Variants in RNGTT observed in about 807,000 individuals in gnomAD.
RNGTT encodes the protein RNA guanylyltransferase and 5'-phosphatase.
RNGTT carries 33 observed loss-of-function variants against 79.3 expected under a neutral mutation model. The observed-to-expected ratio is 0.42, with a 90% CI of 0.32 to 0.56. The LOEUF is 0.56. Among genes scored for constraint, RNGTT ranks in the 20% least tolerant of loss-of-function variants. The pLI, the probability that RNGTT is intolerant of heterozygous loss-of-function variation, is 0.17. For missense variants in RNGTT, 497 were observed against 739.1 expected (o/e 0.67, Z 3.80); for synonymous variants, 222 against 235.9 (o/e 0.94, Z 0.54).
chr6:88,674,779 C>T (rs1370262234), intron 14 of RNGTT, among the ~76,000 whole-genome samples: 4 of 151,552 alleles, frequency 2.6e-5, no homozygotes, highest in East Asian at 1.9e-4. Context: ...TATGTAACAA[C>T]AACAAAAAAA....
chr6:88,939,302 AT>A (rs1784772381), intron 2 of RNGTT, among the ~76,000 whole-genome samples: 1 of 151,938 alleles, frequency 6.6e-6, no homozygotes, highest in Non-Finnish European at 1.5e-5. Flanking sequence ...CTTTTTTAGC[AT>A]TTTATCTTTA....
At chr6:88,788,146 A>G (rs1779291702) in intron 12 of RNGTT, among the ~76,000 whole-genome samples, 1 of 152,188 alleles carries the variant, frequency 6.6e-6, no homozygotes, top group African/African-American at 2.4e-5. Flanking sequence ...AGTGGGCAAA[A>G]AGATAACCAA....
chr6:88,664,055 G>C (rs771548892), intron 14 of RNGTT, among the ~76,000 whole-genome samples: 6 of 152,168 alleles, frequency 3.9e-5, no homozygotes, highest in Non-Finnish European at 7.3e-5. Context: ...GTGGCTGGAA[G>C]AGCATGTTCC....
rs1772048354 is a variant in RNGTT at position 88,612,122 on chromosome 6, T to C, written c.*597A>G. 6.6e-6 allele frequency: 1 copy of C among 152,660 alleles called. No individual in the cohort carries two copies. The highest frequency in any genetic ancestry group is 1.5e-5 in the Non-Finnish European group (1 of 68,052). 9.5% of individuals were successfully genotyped at this position (152,660 alleles called of 1,614,324 possible). A position where few individuals can be genotyped will look rare whatever the true frequency, so the allele number is the denominator to read the frequency against. On this transcript the variant is annotated 3_prime_UTR_variant, in exon 16 of 16. Transcript: ENST00000369485. ...ATTCACAAAAATGGAGCTTTACTTTTTTCTTTTACATTTCCAAAAAACTTG... is the reference window on the plus strand; with the variant it reads ...ATTCACAAAAATGGAGCTTTACTTTCTTCTTTTACATTTCCAAAAAACTTG...
rs138490752 is a variant in RNGTT at position 88,691,247 on chromosome 6, G to T, written c.1440-12828C>A. On this transcript the variant is annotated intron_variant, in intron 13 of 15. Coordinates refer to ENST00000369485, the MANE Select transcript of RNGTT (RefSeq NM_003800.5). ...TCCCCCTTTGCGCTCTCTTCCTCCTGCTCTGGCCATGTAAGATGTGCCTCC... is the reference window on the plus strand; with the variant it reads ...TCCCCCTTTGCGCTCTCTTCCTCCTTCTCTGGCCATGTAAGATGTGCCTCC... 2.0e-3 allele frequency among the ~76,000 whole-genome samples: 311 copies of T among 152,220 alleles called. 2 individuals are homozygous for T. Among genetic ancestry groups the T allele is most frequent in the African/African-American group, 7.3e-3 (304 of 41,548 alleles).
intron 1 of RNGTT, among the ~76,000 whole-genome samples, chr6:88,955,037 GA>G (rs1320005230): frequency 6.6e-6 from 1 of 151,928 alleles, no homozygotes; most frequent in Admixed American, 6.6e-5. Flanking sequence ...CAGCCTGGGT[GA>G]CAGAGCAAGA....
rs118175512 is a variant in RNGTT at position 88,945,467 on chromosome 6, G to A, written c.65-4287C>T. ...TGCCTTACATGACACCCAAACTCTT[G>A]TTAGTTTCAATCACCCACCTAACAC... On this transcript the variant is annotated intron_variant, in intron 1 of 15. Coordinates refer to ENST00000369485, the MANE Select transcript of RNGTT (RefSeq NM_003800.5). Among the ~76,000 whole-genome samples, 549 of 152,150 alleles carry A rather than the reference G, an allele frequency of 3.6e-3. 3 individuals carry two copies. Among genetic ancestry groups the A allele is most frequent in the Admixed American group, 7.0e-3 (107 of 15,290 alleles).
intron 1 of RNGTT, among the ~76,000 whole-genome samples, 177 bp downstream of exon 1, chr6:88,963,169 C>T (rs1397385101): frequency 6.6e-6 from 1 of 150,500 alleles, no homozygotes; most frequent in Non-Finnish European, 1.5e-5. Flanking sequence ...CCCCATCCGC[C>T]GACCATCCCC....
Position 88,614,283 on chromosome 6 carries a change from T to C in RNGTT, c.1619A>G (p.Asn540Ser). 6.2e-7 allele frequency: 1 copy of C among 1,613,908 alleles called. No homozygotes were observed. The highest frequency in any genetic ancestry group is 8.5e-7 in the Non-Finnish European group (1 of 1,179,798). The change falls in exon 15 of 16, where the codon AAC becomes AGC. Residue 540 changes from asparagine (N) to serine (S), a missense_variant. Transcript: ENST00000369485. Reference protein sequence around the residue: ...RTDKSFPNAYNTAMAVCNSIS... With the variant: ...RTDKSFPNAYSTAMAVCNSIS... ...GTTGTCATACTCACCCATGGCAGTG[T>C]TGTAGGCATTAGGAAAACTTTTGTC...
chr6:88,949,159 G>GAAAAAAAAAAAAAAAAAAAAAAAAAGA, intron 1 of RNGTT, among the ~76,000 whole-genome samples: 1 of 50,506 alleles, frequency 2.0e-5, no homozygotes, highest in African/African-American at 7.9e-5. Context: ...AAAATAAAAT[G>GAAAAAAAAAAAAAAAAAAAAAAAAAGA]AAAAAAAAAA....
chr6:88,935,002 C>T (rs1784622298), intron 2 of RNGTT, among the ~76,000 whole-genome samples: 2 of 152,164 alleles, frequency 1.3e-5, no homozygotes, highest in Admixed American at 1.3e-4. Context: ...TGTTACTGAA[C>T]CAATGTCCCA....
At chr6:88,736,364 AAGCAAAACTAC>A (rs775070611) in intron 13 of RNGTT, among the ~76,000 whole-genome samples, 4 of 152,182 alleles carry the variant, frequency 2.6e-5, no homozygotes, top group Non-Finnish European at 2.9e-5. Flanking sequence ...AAACATGATA[AAGCAAAACTAC>A]AGATGAGTGT....
At chr6:88,891,759 G>A (rs1283274800) in intron 7 of RNGTT, 47 bp downstream of exon 7, 3 of 1,264,996 alleles carry the variant, frequency 2.4e-6, no homozygotes, top group East Asian at 2.6e-5. Flanking sequence ...ATTAAGTGTT[G>A]TAAAATAAGA....
intron 12 of RNGTT, among the ~76,000 whole-genome samples, chr6:88,777,108 T>A (rs1467154603): frequency 6.6e-6 from 1 of 152,220 alleles, no homozygotes; most frequent in Non-Finnish European, 1.5e-5. Context: ...AAAGATTATC[T>A]TCTCCCCATT....
At chr6:88,656,685 T>A (rs1773989767) in intron 14 of RNGTT, among the ~76,000 whole-genome samples, 1 of 151,824 alleles carries the variant, frequency 6.6e-6, no homozygotes, top group Non-Finnish European at 1.5e-5. Context: ...GGGTCAGTCA[T>A]CTGGGAGTAG....
At chr6:88,905,968 G>C (rs1206611491) in intron 5 of RNGTT, among the ~76,000 whole-genome samples, 1 of 152,024 alleles carries the variant, frequency 6.6e-6, no homozygotes, top group Non-Finnish European at 1.5e-5. Context: ...AACATATGGA[G>C]ACCTCCTCAC....
intron 12 of RNGTT, among the ~76,000 whole-genome samples, chr6:88,788,081 G>A (rs1045156203): frequency 2.1e-4 from 32 of 152,162 alleles, no homozygotes; most frequent in African/African-American, 7.5e-4. Context: ...CATAAGCTGG[G>A]AACTGTCTGT....
chr6:88,870,813 A>C (rs1262120724), intron 8 of RNGTT, among the ~76,000 whole-genome samples: 1 of 152,166 alleles, frequency 6.6e-6, no homozygotes, highest in Non-Finnish European at 1.5e-5. Context: ...AATAATCCCC[A>C]GCTAATATTC....
chr6:88,697,878 A>AATATATATACATACATACATAT lies in RNGTT; in HGVS notation c.1440-19460_1440-19459insATATGTATGTATGTATATATAT, dbSNP rs1319252268. ...AGAGTGAGACCCTGTCTTGGAAAAA[A>AATATATATACATACATACATAT]ATATATATATGATATATATATATGA... On this transcript the variant is annotated intron_variant, in intron 13 of 15. Coordinates refer to ENST00000369485, the MANE Select transcript of RNGTT (RefSeq NM_003800.5). Among the ~76,000 whole-genome samples, 49 of 114,534 alleles carry AATATATATACATACATACATAT rather than the reference A, an allele frequency of 4.3e-4. 13 individuals are homozygous for AATATATATACATACATACATAT. The highest frequency in any genetic ancestry group is 8.7e-3 in the Middle Eastern group (2 of 230). 75.1% of individuals were successfully genotyped at this position (114,534 alleles called of 152,430 possible).
Sources: allele counts gnomAD v4.1 joint callset (sites outside exome capture counted in the v4.1 genomes callset), GRCh38; gene constraint gnomAD v4.1.1; transcripts MANE v1.5; gene names NCBI Gene and HGNC (gene_info 2026-07-23, HGNC 2026-07-21).